The following ALS2 variants were observed in gnomAD, a reference collection of about 807,000 sequenced individuals.
ALS2 encodes the protein alsin Rho guanine nucleotide exchange factor ALS2.
In ALS2, 117 loss-of-function variants were observed where a neutral mutation model predicts 203.4. That is an observed-to-expected ratio of 0.58 (90% CI 0.50 to 0.67). The LOEUF (loss-of-function observed/expected upper bound fraction) is 0.67. Among genes scored for constraint, ALS2 ranks in the 30% least tolerant of loss-of-function variants. The pLI is 0.00. For missense variants in ALS2, 1,715 were observed against 1,989.4 expected (o/e 0.86, Z 2.62); for synonymous variants, 718 against 725.9 (o/e 0.99, Z 0.17).
At chr2:201,708,074 G>T in intron 27 of ALS2, 83 bp from the exon 28 acceptor site, 1 of 1,327,736 alleles carries the variant, frequency 7.5e-7, no homozygotes, top group Non-Finnish European at 1.1e-6. Flanking sequence ...CATTAGTTAT[G>T]AGAGCAAGCT....
rs758546397 is a variant in ALS2 at position 201,741,694 on chromosome 2, G to C, written c.2331C>G (p.Leu777=). 5.8e-5 allele frequency: 94 copies of C among 1,613,954 alleles called. 1 individual carries two copies. Among genetic ancestry groups the C allele is most frequent in the Non-Finnish European group, 7.4e-5 (87 of 1,180,026 alleles). The change falls in exon 11 of 34, where the codon CTC becomes CTG. Residue 777 remains leucine, a synonymous_variant. Transcript: ENST00000264276. Reference sequence around the variant, plus strand: ...CTTGCTCTGTATAACTATCCAAGAAGAGACTTGAATGCTTCAGGATGACCA... The same window carrying C: ...CTTGCTCTGTATAACTATCCAAGAACAGACTTGAATGCTTCAGGATGACCA... ...RSLVILKHSS[L]FLDSYTEYCT...
At chr2:201,776,923 C>T (rs1453472026) in intron 1 of ALS2, among the ~76,000 whole-genome samples, 1 of 152,170 alleles carries the variant, frequency 6.6e-6, no homozygotes, top group Non-Finnish European at 1.5e-5. Context: ...ACGTATTATT[C>T]ATTAGTCAAC....
At chr2:201,709,813 A>C (rs1302339079) in intron 27 of ALS2, 68 bp downstream of exon 27, 1 of 1,594,848 alleles carries the variant, frequency 6.3e-7, no homozygotes, top group Admixed American at 1.7e-5. Flanking sequence ...ATTCAGGGTG[A>C]AACTACCCAA....
intron 18 of ALS2, 36 bp downstream of exon 18, chr2:201,726,628 A>C (rs1691180454): frequency 1.9e-6 from 3 of 1,611,002 alleles, no homozygotes; most frequent in East Asian, 4.5e-5. Flanking sequence ...TGTGATGATC[A>C]TCCTCACCCC....
intron 14 of ALS2, 72 bp downstream of exon 14, chr2:201,728,980 G>A: frequency 1.2e-6 from 2 of 1,609,922 alleles, no homozygotes; most frequent in Admixed American, 1.7e-5. Flanking sequence ...GAGGAACAGA[G>A]AAAATTGTAT....
In ALS2 at chr2:201,754,537, C is replaced by T. The variant is rs777132438; in HGVS notation, c.1606G>A (p.Glu536Lys). ...TEVWTWGKGK[E>K]GQLGHGDVLP... ...ACATCGCCGTGCCCCAGCTGCCCTT[C>T]CTTCCCTTTCCCCCAGGTCCACACT... The change falls in exon 6 of 34, where the codon GAA (glutamate) becomes AAA (lysine). Residue 536 changes from glutamate (E) to lysine (K), a missense_variant. Transcript: ENST00000264276. The T allele has an allele frequency of 1.2e-5, 19 of 1,614,026 alleles. No homozygotes were observed. The highest frequency in any genetic ancestry group is 1.3e-5 in the Non-Finnish European group (15 of 1,180,020).
intron 23 of ALS2, among the ~76,000 whole-genome samples, chr2:201,720,345 T>C (rs1690688120): frequency 6.6e-6 from 1 of 151,920 alleles, no homozygotes; most frequent in Admixed American, 6.6e-5. Flanking sequence ...TACACCATAT[T>C]AGTAGAATAA....
intron 3 of ALS2, chr2:201,765,585 A>G (rs986640522): frequency 6.0e-6 from 1 of 167,082 alleles, no homozygotes; most frequent in Non-Finnish European, 1.5e-5. Context: ...GTTTCCTAGA[A>G]TTTGTCTTCC....
chr2:201,761,843 G>GA lies in ALS2; in HGVS notation c.176-26dup, dbSNP rs370165238. ...TCTGAAGGTTAAAAAAAAGAAAAAA[G>GA]AAAAAAAAAAGGGTTAGTGAATTAA... On this transcript the variant is annotated intron_variant, in intron 3 of 33. Coordinates refer to ENST00000264276, the MANE Select transcript of ALS2 (RefSeq NM_020919.4). The GA allele has an allele frequency of 2.6e-3, 3,697 of 1,429,986 alleles. 3 individuals carry two copies. The highest frequency in any genetic ancestry group is 8.5e-3 in the African/African-American group (575 of 67,698). The allele number at this position is 1,429,986 out of a possible 1,614,324, so 88.6% of individuals were successfully genotyped here. A position where few individuals can be genotyped will look rare whatever the true frequency, so the allele number is the denominator to read the frequency against.
At chr2:201,760,339 T>C (rs1049344558) in intron 4 of ALS2, 1 of 985,300 alleles carries the variant, frequency 1.0e-6, no homozygotes, top group Non-Finnish European at 1.2e-6. Flanking sequence ...AGATAAAATA[T>C]TAGCCACCTC....
rs1324182765 is a variant in ALS2 at position 201,726,556 on chromosome 2, T to A, written c.3183-7A>T. The A allele has an allele frequency of 6.2e-7, 1 of 1,613,800 alleles. No homozygotes were observed. Among genetic ancestry groups the A allele is most frequent in the Admixed American group, 1.7e-5 (1 of 60,022 alleles). On this transcript the variant is annotated splice_polypyrimidine_tract_variant and splice_region_variant and intron_variant, in intron 18 of 33. Coordinates refer to ENST00000264276, the MANE Select transcript of ALS2 (RefSeq NM_020919.4). The stretch of plus-strand genomic sequence containing the variant: ...AGGCCACTTCAAAACCCCTCTGGAA[T>A]GCATAAGCAAAGAATAATGCATGTC...
intron 1 of ALS2, among the ~76,000 whole-genome samples, chr2:201,777,702 G>A (rs759858637): frequency 8.6e-5 from 13 of 151,958 alleles, no homozygotes; most frequent in South Asian, 4.1e-4. Context: ...CCATTCCCAC[G>A]TTTTCATATT....
chr2:201,767,269 C>T lies in ALS2; in HGVS notation c.135G>A (p.Gln45=). Residue 45 remains glutamine (Q), a synonymous_variant, in exon 3 of 34, where the codon CAG becomes CAA. Transcript: ENST00000264276. Reference sequence around the variant, plus strand: ...CTCCATGTTTCACTCCGAGGGCTGCCTGCAAAACAGTCTTTCCTCCCCAGC... The same window carrying T: ...CTCCATGTTTCACTCCGAGGGCTGCTTGCAAAACAGTCTTTCCTCCCCAGC... ...LPGWGGKTVL[Q]AALGVKHGVL... 2.5e-6 allele frequency: 4 copies of T among 1,614,076 alleles called. No homozygotes were observed. Among genetic ancestry groups the T allele is most frequent in the Non-Finnish European group, 3.4e-6 (4 of 1,180,026 alleles).
intron 1 of ALS2, among the ~76,000 whole-genome samples, chr2:201,774,488 T>C: frequency 6.6e-6 from 1 of 152,218 alleles, no homozygotes; most frequent in South Asian, 2.1e-4. Flanking sequence ...CTGCTATACA[T>C]TTTTGTAAGC....
intron 4 of ALS2, chr2:201,759,440 T>C: frequency 1.1e-6 from 1 of 932,348 alleles, no homozygotes; most frequent in Non-Finnish European, 1.3e-6. Context: ...TTAAATGTAA[T>C]AGAAACACAC....
Position 201,767,351 on chromosome 2 carries a change from CCT to C in ALS2, c.51_52del (p.Gly18ProfsTer40). On this transcript the variant is annotated frameshift_variant, in exon 3 of 34. Coordinates refer to ENST00000264276, the MANE Select transcript of ALS2 (RefSeq NM_020919.4). LOFTEE classifies it high-confidence loss of function. ...TCCTGCCTGCCAGATATGGACCAGG[CCT>C]CTTTCCTTGGATCCTTCTGCCTCTG... The C allele has an allele frequency of 6.2e-7, 1 of 1,614,122 alleles. No homozygotes were observed. The highest frequency in any genetic ancestry group is 8.5e-7 in the Non-Finnish European group (1 of 1,180,014).
intron 28 of ALS2, 41 bp from the exon 29 acceptor site, chr2:201,707,063 A>G (rs747400921): frequency 6.4e-7 from 1 of 1,560,620 alleles, no homozygotes; most frequent in Non-Finnish European, 8.7e-7. Flanking sequence ...CATTTTTCAT[A>G]TTAAAATTGA....
At chr2:201,720,220 T>C (rs1292160058) in intron 23 of ALS2, 6 of 371,014 alleles carry the variant, frequency 1.6e-5, no homozygotes, top group Non-Finnish European at 3.1e-5. Context: ...CTCAACAAAA[T>C]ATTCGCATTA....
intron 13 of ALS2, among the ~76,000 whole-genome samples, chr2:201,732,761 A>C (rs1691654415): frequency 6.6e-6 from 1 of 152,160 alleles, no homozygotes; most frequent in Non-Finnish European, 1.5e-5. Context: ...CTAGGATTCC[A>C]CCTAACTAGT....
Sources: gnomAD v4.1 joint callset for allele counts (sites outside exome capture counted in the v4.1 genomes callset) on GRCh38, gnomAD v4.1.1 for gene constraint, MANE v1.5 for transcripts, NCBI Gene and HGNC (gene_info 2026-07-23, HGNC 2026-07-21) for gene names.